The following CDH4 variants were observed in gnomAD, a reference collection of about 807,000 sequenced individuals.
CDH4 encodes cadherin-4.
In CDH4, 33 loss-of-function variants were observed where a neutral mutation model predicts 86.0. The ratio of observed to expected loss-of-function variants is 0.38; its 90% CI spans 0.29 to 0.51. CDH4 has a LOEUF of 0.51. CDH4 is among the 20% of genes least tolerant of loss of function. The pLI, the probability that CDH4 is intolerant of heterozygous loss-of-function variation, is 0.86. For synonymous variants in CDH4, 555 were observed against 549.4 expected, an observed-to-expected ratio of 1.01 and a Z score of -0.14; for missense variants, 1,114 against 1,307.4, an observed-to-expected ratio of 0.85 and a Z score of 2.28.
intron 9 of CDH4, among the ~76,000 whole-genome samples, chr20:61,915,294 C>A (rs1389259312): frequency 6.6e-6 from 1 of 152,222 alleles, no homozygotes; most frequent in Non-Finnish European, 1.5e-5. Flanking sequence ...AGGTTTGAGG[C>A]CGAGGCTGAG....
intron 2 of CDH4, 132 bp from the exon 3 acceptor site, chr20:61,743,431 G>A: frequency 7.4e-6 from 5 of 676,996 alleles, no homozygotes; most frequent in Non-Finnish European, 1.1e-5. Flanking sequence ...CTCGGGAGGT[G>A]GAGAAATCAG....
intron 2 of CDH4, among the ~76,000 whole-genome samples, chr20:61,375,346 G>C (rs903383573): frequency 4.6e-5 from 7 of 152,102 alleles, no homozygotes; most frequent in African/African-American, 7.2e-5. Context: ...AGGTGGTGAT[G>C]AATGTGGTGG....
At chr20:61,477,661 C>T (rs998809261) in intron 2 of CDH4, among the ~76,000 whole-genome samples, 1 of 152,220 alleles carries the variant, frequency 6.6e-6, no homozygotes, top group Non-Finnish European at 1.5e-5. Context: ...TTATCAAAGC[C>T]GTGGTCCTCC....
chr20:61,384,995 A>C (rs1157849064), intron 2 of CDH4, among the ~76,000 whole-genome samples: 1 of 152,176 alleles, frequency 6.6e-6, no homozygotes, highest in East Asian at 1.9e-4. Flanking sequence ...ACTGGTGAGA[A>C]TCTTCCTACG....
chr20:61,696,817 A>T (rs907428749), intron 2 of CDH4, among the ~76,000 whole-genome samples: 1 of 152,158 alleles, frequency 6.6e-6, no homozygotes, highest in South Asian at 2.1e-4. Context: ...GTGTTTGAAG[A>T]TGTGATGGAA....
chr20:61,418,224 TCC>T (rs200884901), intron 2 of CDH4, among the ~76,000 whole-genome samples: 2,602 of 118,034 alleles, frequency 0.022, 76 homozygotes, highest in African/African-American at 0.084. Flanking sequence ...TTTTTTTTTT[TCC>T]CTGAGACAGA....
intron 2 of CDH4, among the ~76,000 whole-genome samples, chr20:61,376,977 C>T (rs1290474602): frequency 6.6e-6 from 1 of 152,166 alleles, no homozygotes; most frequent in African/African-American, 2.4e-5. Context: ...TTCTTTGGGG[C>T]CAACTCTTTC....
chr20:61,573,464 C>T (rs967506529), intron 2 of CDH4, among the ~76,000 whole-genome samples: 7 of 152,256 alleles, frequency 4.6e-5, no homozygotes, highest in African/African-American at 1.7e-4. Context: ...AATTAGACCA[C>T]CTGCCAGGGT....
chr20:61,598,920 G>A (rs990883023), intron 2 of CDH4, among the ~76,000 whole-genome samples: 6 of 152,350 alleles, frequency 3.9e-5, no homozygotes, highest in East Asian at 1.9e-4. Flanking sequence ...GCGTCTCTGC[G>A]GTCAGTGAGG....
chr20:61,496,401 CA>C (rs71944747), intron 2 of CDH4, among the ~76,000 whole-genome samples: 51,988 of 145,428 alleles, frequency 0.36, 10,431 homozygotes, highest in Admixed American at 0.49. Flanking sequence ...TACCCTGTCT[CA>C]AAAAAAAAAA....
At chr20:61,800,278 CAG>C (rs1979760875) in intron 4 of CDH4, among the ~76,000 whole-genome samples, 1 of 152,196 alleles carries the variant, frequency 6.6e-6, no homozygotes, top group Non-Finnish European at 1.5e-5. Flanking sequence ...GCCCGGCCGC[CAG>C]GGGGGCAGAG....
At chr20:61,694,791 C>T (rs528392229) in intron 2 of CDH4, among the ~76,000 whole-genome samples, 6 of 152,278 alleles carry the variant, frequency 3.9e-5, no homozygotes, top group Admixed American at 6.5e-5. Flanking sequence ...GATTAGCAGG[C>T]GGTTTTCTCC....
intron 7 of CDH4, among the ~76,000 whole-genome samples, chr20:61,877,663 G>A (rs1462666270): frequency 6.6e-6 from 1 of 152,186 alleles, no homozygotes; most frequent in Non-Finnish European, 1.5e-5. Flanking sequence ...CATAGGTTGT[G>A]TGGTTATTTT....
chr20:61,702,135 G>A (rs1016711935), intron 2 of CDH4, among the ~76,000 whole-genome samples: 1 of 152,320 alleles, frequency 6.6e-6, no homozygotes, highest in East Asian at 1.9e-4. Context: ...CAGCTCTGTT[G>A]AGTGGTTCTC....
intron 3 of CDH4, among the ~76,000 whole-genome samples, chr20:61,767,051 C>T (rs989306702): frequency 6.6e-6 from 1 of 152,216 alleles, no homozygotes; most frequent in African/African-American, 2.4e-5. Flanking sequence ...GGGGCTTCAT[C>T]CCTTGAGCTT....
intron 14 of CDH4, 116 bp downstream of exon 14, chr20:61,933,240 T>C: frequency 7.5e-7 from 1 of 1,342,006 alleles, no homozygotes; most frequent in African/African-American, 1.4e-5. Flanking sequence ...TTTTCACCAG[T>C]GAAGGTGCCA....
intron 14 of CDH4, 90 bp downstream of exon 14, chr20:61,933,214 G>A (rs1246027867): frequency 2.7e-6 from 4 of 1,495,434 alleles, no homozygotes; most frequent in Non-Finnish European, 3.6e-6. Context: ...GGGTTTAACA[G>A]TAAGACATTT....
intron 5 of CDH4, among the ~76,000 whole-genome samples, chr20:61,847,901 A>G (rs1285574944): frequency 2.0e-5 from 3 of 152,104 alleles, no homozygotes; most frequent in African/African-American, 7.2e-5. Flanking sequence ...TTGACAAGTG[A>G]TCCACCCCCA....
In CDH4 at chr20:61,612,185, G is replaced by A. The variant is rs544378600; in HGVS notation, c.170-131378G>A. ...TGTAAAGATGAAATCAGTGTAATTG[G>A]GATATCCCATCACCTTAAATATTTA... On this transcript the variant is annotated intron_variant, in intron 2 of 15. Transcript: ENST00000614565. Among the ~76,000 whole-genome samples, 8 of 152,072 alleles carry A rather than the reference G, an allele frequency of 5.3e-5. No individual in the cohort carries two copies. In the Middle Eastern group the frequency reaches 0.01, roughly 194 times the overall value.
Sources: gnomAD v4.1 joint callset for allele counts (sites outside exome capture counted in the v4.1 genomes callset) on GRCh38, gnomAD v4.1.1 for gene constraint, MANE v1.5 for transcripts, NCBI Gene and HGNC (gene_info 2026-07-23, HGNC 2026-07-21) for gene names.